Variants in ALX4 observed in about 807,000 individuals in gnomAD.
The protein encoded by ALX4 is ALX homeobox 4, also known as homeobox protein aristaless-like 4.
Under a neutral mutation model 40.6 loss-of-function variants are expected in ALX4, and 22 were observed. The observed-to-expected ratio is 0.54, with a 90% CI of 0.39 to 0.77. ALX4 has a LOEUF of 0.77. Ranked by LOEUF, ALX4 falls within the 30% of genes least tolerant of loss-of-function variation. ALX4 has a pLI of 0.00. For missense variants in ALX4, 556 were observed against 564.8 expected (o/e 0.98, Z 0.16); for synonymous variants, 266 against 240.5 (o/e 1.11, Z -0.98).
At chr11:44,268,381 A>C (rs1956225350) in intron 2 of ALX4, among the ~76,000 whole-genome samples, 2 of 152,320 alleles carry the variant, frequency 1.3e-5, no homozygotes, top group South Asian at 4.1e-4. Context: ...CTTGACTGCC[A>C]AGTGAAGGGT....
At chr11:44,284,703 T>G (rs1956328501) in intron 1 of ALX4, among the ~76,000 whole-genome samples, 1 of 152,198 alleles carries the variant, frequency 6.6e-6, no homozygotes, top group African/African-American at 2.4e-5. Context: ...TGCACGAGTA[T>G]CTTCAGGCTT....
At chr11:44,301,320 C>G (rs1437225334) in intron 1 of ALX4, among the ~76,000 whole-genome samples, 1 of 152,176 alleles carries the variant, frequency 6.6e-6, no homozygotes, top group East Asian at 1.9e-4. Context: ...AACCAAAGGC[C>G]CTCAGGGCCT....
At chr11:44,309,164 C>CCGCAGCCCCGCAGCCT (rs772936232) in intron 1 of ALX4, among the ~76,000 whole-genome samples, 3 of 123,264 alleles carry the variant, frequency 2.4e-5, no homozygotes, top group African/African-American at 9.8e-5. Context: ...TCCCGCAGCC[C>CCGCAGCCCCGCAGCCT]CGCAGCCCCG....
At chr11:44,292,235 T>A (rs1328705328) in intron 1 of ALX4, among the ~76,000 whole-genome samples, 1 of 152,030 alleles carries the variant, frequency 6.6e-6, no homozygotes, top group South Asian at 2.1e-4. Context: ...TTGCTTTTTT[T>A]TTTTCTGTTG....
chr11:44,302,103 C>T (rs751766444), intron 1 of ALX4, among the ~76,000 whole-genome samples: 1 of 152,178 alleles, frequency 6.6e-6, no homozygotes, highest in Non-Finnish European at 1.5e-5. Context: ...GGCGCTTAGT[C>T]ATTCTCCCTG....
intron 1 of ALX4, among the ~76,000 whole-genome samples, chr11:44,294,794 T>G (rs113122220): frequency 6.6e-6 from 1 of 152,104 alleles, no homozygotes; most frequent in African/African-American, 2.4e-5. Context: ...ACTGAGCACT[T>G]ACTATGCTCC....
chr11:44,291,456 T>C (rs1207043607), intron 1 of ALX4, among the ~76,000 whole-genome samples: 1 of 151,318 alleles, frequency 6.6e-6, no homozygotes, highest in Non-Finnish European at 1.5e-5. Flanking sequence ...CTGCCCAGGC[T>C]GAAGTGCAGT....
At chr11:44,280,293 G>C (rs1956302114) in intron 1 of ALX4, among the ~76,000 whole-genome samples, 1 of 152,224 alleles carries the variant, frequency 6.6e-6, no homozygotes, top group Non-Finnish European at 1.5e-5. Context: ...CCAAGGTCCA[G>C]AAACCCAGTC....
intron 3 of ALX4, 126 bp from the exon 4 acceptor site, chr11:44,265,309 T>G: frequency 2.1e-6 from 2 of 945,862 alleles, no homozygotes; most frequent in Non-Finnish European, 1.6e-6. Context: ...TCTTGAGTGT[T>G]TAGCCTTGAT....
intron 1 of ALX4, among the ~76,000 whole-genome samples, chr11:44,278,492 C>T (rs10769030): frequency 0.77 from 116,424 of 152,074 alleles, 46,875 homozygotes; most frequent in Non-Finnish European, 0.89. Flanking sequence ...AGTGAGGATG[C>T]GGCCTGGGGG....
chr11:44,276,343 C>A (rs1228805745), intron 1 of ALX4, among the ~76,000 whole-genome samples: 1 of 151,786 alleles, frequency 6.6e-6, no homozygotes, highest in African/African-American at 2.4e-5. Context: ...TTTCCTGTTA[C>A]AAGCAGCTCC....
chr11:44,279,989 C>T (rs1460270866), intron 1 of ALX4, among the ~76,000 whole-genome samples: 7 of 152,178 alleles, frequency 4.6e-5, no homozygotes, highest in Admixed American at 2.0e-4. Context: ...TCTGTGTGCA[C>T]CTTTGGTGAG....
At chr11:44,301,289 A>G (rs1014018419) in intron 1 of ALX4, among the ~76,000 whole-genome samples, 1 of 152,182 alleles carries the variant, frequency 6.6e-6, no homozygotes, top group African/African-American at 2.4e-5. Context: ...GGGTCAGGGG[A>G]GGTACCAGTT....
At chr11:44,294,438 A>G (rs1956391085) in intron 1 of ALX4, among the ~76,000 whole-genome samples, 1 of 152,252 alleles carries the variant, frequency 6.6e-6, no homozygotes, top group Non-Finnish European at 1.5e-5. Flanking sequence ...ATAAACACAG[A>G]AAACACATTC....
intron 2 of ALX4, among the ~76,000 whole-genome samples, chr11:44,273,138 T>A (rs1956258685): frequency 6.6e-6 from 1 of 151,214 alleles, no homozygotes; most frequent in Non-Finnish European, 1.5e-5. Flanking sequence ...GGGGCATCTC[T>A]GTCCTAACAT....
chr11:44,292,687 A>G (rs1478412523), intron 1 of ALX4, among the ~76,000 whole-genome samples: 1 of 152,226 alleles, frequency 6.6e-6, no homozygotes, highest in East Asian at 1.9e-4. Flanking sequence ...GTGTTTTTGT[A>G]TAAATGACTG....
At chr11:44,273,924 C>T (rs117046753) in intron 2 of ALX4, among the ~76,000 whole-genome samples, 112 of 152,092 alleles carry the variant, frequency 7.4e-4, no homozygotes, top group Non-Finnish European at 1.0e-3. Flanking sequence ...CTGTACTCCA[C>T]GCTGGGTGAC....
intron 1 of ALX4, among the ~76,000 whole-genome samples, chr11:44,285,059 G>A (rs1009593083): frequency 2.0e-5 from 3 of 152,006 alleles, no homozygotes; most frequent in Non-Finnish European, 4.4e-5. Context: ...CCGCCTCCCC[G>A]GTTCAAGCTA....
chr11:44,267,344 C>G (rs974372546), intron 3 of ALX4, 150 bp downstream of exon 3: 31 of 1,035,472 alleles, frequency 3.0e-5, no homozygotes, highest in Non-Finnish European at 4.0e-5. Context: ...CTCCCACACT[C>G]TGGTATAAAC....
Sources: allele counts gnomAD v4.1 joint callset (sites outside exome capture counted in the v4.1 genomes callset), GRCh38; gene constraint gnomAD v4.1.1; transcripts MANE v1.5; gene names NCBI Gene and HGNC (gene_info 2026-07-23, HGNC 2026-07-21).